ATP6V0E1: variants seen among roughly 807,000 people sequenced by gnomAD.
The protein encoded by ATP6V0E1 is ATPase H+ transporting V0 subunit e1.
ATP6V0E1 carries 4 observed loss-of-function variants against 11.6 expected under a neutral mutation model. That is an observed-to-expected ratio of 0.35 (90% confidence interval 0.17 to 0.79). ATP6V0E1 has a LOEUF of 0.79. Among genes scored for constraint, ATP6V0E1 ranks in the 30% least tolerant of loss-of-function variants. The pLI is 0.54. For missense variants in ATP6V0E1, 105 were observed against 100.0 expected (o/e 1.05, Z -0.21); for synonymous variants, 36 against 34.8 (o/e 1.04, Z -0.13).
chr5:172,997,231 T>A (rs1324617295), intron 2 of ATP6V0E1, among the ~76,000 whole-genome samples: 2 of 152,220 alleles, frequency 1.3e-5, no homozygotes, highest in Non-Finnish European at 2.9e-5. Flanking sequence ...GTCATGACTC[T>A]CAAAGAAGAA....
At position 173,003,871 on chromosome 5, in the gene ATP6V0E1, T is replaced by C. The variant is rs151152866; in HGVS notation, c.152+9049T>C. Reference sequence around the variant, plus strand: ...GCTAAAGCAGAGAGATTTGAGGCCATGAGAACACATAGAATTACCTAAGGC... The same window carrying C: ...GCTAAAGCAGAGAGATTTGAGGCCACGAGAACACATAGAATTACCTAAGGC... On this transcript the variant is annotated intron_variant, in intron 2 of 3. Transcript: ENST00000519374. Among the ~76,000 whole-genome samples the C allele has an allele frequency of 9.5e-4, 145 of 152,268 alleles. 1 individual carries two copies. The highest frequency in any genetic ancestry group is 3.4e-3 in the African/African-American group (142 of 41,558).
chr5:173,005,425 G>T (rs1756214775), intron 2 of ATP6V0E1, among the ~76,000 whole-genome samples: 1 of 152,158 alleles, frequency 6.6e-6, no homozygotes, highest in East Asian at 1.9e-4. Context: ...TGTTGCCCAG[G>T]ATGGTCTCGA....
chr5:172,996,758 C>A (rs1561769023), intron 2 of ATP6V0E1, among the ~76,000 whole-genome samples: 1 of 152,058 alleles, frequency 6.6e-6, no homozygotes, highest in East Asian at 1.9e-4. Flanking sequence ...AGGCATAACA[C>A]ATATGTTAAC....
intron 3 of ATP6V0E1, among the ~76,000 whole-genome samples, chr5:173,024,925 C>A (rs1486818193): frequency 1.3e-5 from 2 of 150,322 alleles, no homozygotes; most frequent in Non-Finnish European, 3.0e-5. Flanking sequence ...TCACTGCAAC[C>A]TCTGCCTCCT....
Position 172,998,102 on chromosome 5 carries a change from CCT to C in ATP6V0E1, c.152+3281_152+3282del, listed in dbSNP as rs766208354. Among the ~76,000 whole-genome samples, 7 of 150,580 alleles carry C rather than the reference CCT, an allele frequency of 4.6e-5. 1 individual carries two copies. The highest frequency in any genetic ancestry group is 3.4e-3 in the Middle Eastern group (1 of 290). ...TCCAGCCTGGGGGTCCAAGTGATAC[CCT>C]GTCTCAAAAAAAAAAAAGTTGTGAT... On this transcript the variant is annotated intron_variant, in intron 2 of 3. Coordinates refer to ENST00000519374, the MANE Select transcript of ATP6V0E1 (RefSeq NM_003945.4).
intron 2 of ATP6V0E1, among the ~76,000 whole-genome samples, chr5:172,996,748 A>C (rs1249619996): frequency 6.6e-6 from 1 of 152,166 alleles, no homozygotes. Flanking sequence ...TTTTAGAATA[A>C]GGCATAACAC....
intron 1 of ATP6V0E1, among the ~76,000 whole-genome samples, chr5:172,994,553 A>C (rs980918242): frequency 6.6e-6 from 1 of 152,206 alleles, no homozygotes; most frequent in Admixed American, 6.5e-5. Context: ...CTGTGGCATC[A>C]GCACATATCT....
intron 1 of ATP6V0E1, among the ~76,000 whole-genome samples, chr5:172,992,004 TTCTG>T (rs58482928): frequency 3.3e-5 from 5 of 150,902 alleles, no homozygotes; most frequent in Middle Eastern, 3.2e-3. Flanking sequence ...TCTTTCTTCT[TTCTG>T]TCTGTCTTTC....
At chr5:173,021,446 T>C (rs929842758) in intron 3 of ATP6V0E1, among the ~76,000 whole-genome samples, 2 of 152,154 alleles carry the variant, frequency 1.3e-5, no homozygotes, top group Non-Finnish European at 2.9e-5. Flanking sequence ...TCTCCCCTTA[T>C]AAAACCATCA....
chr5:173,024,197 C>CAAA (rs56837002), intron 3 of ATP6V0E1, among the ~76,000 whole-genome samples: 3 of 73,440 alleles, frequency 4.1e-5, no homozygotes, highest in Non-Finnish European at 6.0e-5. Context: ...GACTCCGTCT[C>CAAA]AAAAAAAAAA....
intron 2 of ATP6V0E1, among the ~76,000 whole-genome samples, chr5:172,997,379 T>TG (rs773228962): frequency 1.3e-5 from 2 of 152,100 alleles, no homozygotes; most frequent in South Asian, 2.1e-4. Context: ...CACATTCCTT[T>TG]GGGGAAATGG....
chr5:172,996,868 A>G lies in ATP6V0E1; in HGVS notation c.152+2046A>G, dbSNP rs192905736. Among the ~76,000 whole-genome samples the G allele has an allele frequency of 2.1e-4, 32 of 152,288 alleles. No homozygotes were observed. In the East Asian group the frequency reaches 4.8e-3, roughly 23 times the overall value. On this transcript the variant is annotated intron_variant, in intron 2 of 3. Transcript: ENST00000519374. ...ATTTTTAAAAAATTACTTTTCTTTA[A>G]ACAATTGCCAAGACTGAAATCAAAG...
chr5:173,014,300 G>A (rs1188430327), intron 2 of ATP6V0E1, among the ~76,000 whole-genome samples: 1 of 152,004 alleles, frequency 6.6e-6, no homozygotes, highest in Non-Finnish European at 1.5e-5. Flanking sequence ...ATAGAAAATG[G>A]TATGGAGATT....
intron 2 of ATP6V0E1, among the ~76,000 whole-genome samples, chr5:173,014,085 C>G (rs1013971428): frequency 6.0e-5 from 9 of 149,424 alleles, no homozygotes; most frequent in Non-Finnish European, 1.3e-4. Flanking sequence ...CACTTCAACC[C>G]GGGAGGTAGA....
intron 2 of ATP6V0E1, among the ~76,000 whole-genome samples, chr5:173,008,105 T>G (rs1756257050): frequency 6.6e-6 from 1 of 152,168 alleles, no homozygotes; most frequent in Non-Finnish European, 1.5e-5. Flanking sequence ...TCCAGCTTCC[T>G]CTACTGAGAA....
At chr5:173,015,704 C>T (rs1756389385) in intron 2 of ATP6V0E1, among the ~76,000 whole-genome samples, 1 of 152,146 alleles carries the variant, frequency 6.6e-6, no homozygotes, top group African/African-American at 2.4e-5. Flanking sequence ...CCCTGTCCAT[C>T]CCTTCATCAG....
At chr5:172,994,945 T>G (rs545355668) in intron 2 of ATP6V0E1, 123 bp downstream of exon 2, 2 of 717,714 alleles carry the variant, frequency 2.8e-6, no homozygotes. Context: ...ATTGAAAATA[T>G]CACACTTTTC....
intron 2 of ATP6V0E1, among the ~76,000 whole-genome samples, chr5:173,014,517 A>G (rs1017019906): frequency 6.6e-5 from 10 of 152,190 alleles, no homozygotes; most frequent in Non-Finnish European, 1.5e-4. Context: ...TTATATGTAC[A>G]CTACGGAATA....
At chr5:173,026,311 T>C (rs1205712517) in intron 3 of ATP6V0E1, among the ~76,000 whole-genome samples, 1 of 152,204 alleles carries the variant, frequency 6.6e-6, no homozygotes, top group African/African-American at 2.4e-5. Flanking sequence ...TTATTGTTAT[T>C]ATTTCCCCTG....
Sources: gnomAD v4.1 joint callset for allele counts (sites outside exome capture counted in the v4.1 genomes callset) on GRCh38, gnomAD v4.1.1 for gene constraint, MANE v1.5 for transcripts, NCBI Gene and HGNC (gene_info 2026-07-23, HGNC 2026-07-21) for gene names.